Variants in OR14A16 observed in about 807,000 individuals in gnomAD.
The protein encoded by OR14A16 is olfactory receptor family 14 subfamily A member 16.
For synonymous variants in OR14A16, 135 were observed against 137.6 expected (o/e 0.98, Z 0.13); for missense variants, 341 against 366.5 (o/e 0.93, Z 0.57).
At chr1:247,822,033 C>A (rs567129915) in intron 1 of OR14A16, among the ~76,000 whole-genome samples, 1 of 152,098 alleles carries the variant, frequency 6.6e-6, no homozygotes, top group Non-Finnish European at 1.5e-5. Context: ...CTCTATTACT[C>A]CTCTCATTTT....
chr1:247,822,478 A>ACTGGTGGCCTC (rs6143725), intron 1 of OR14A16, among the ~76,000 whole-genome samples: 1 of 151,966 alleles, frequency 6.6e-6, no homozygotes, highest in Non-Finnish European at 1.5e-5. Context: ...TGGGACTTGC[A>ACTGGTGGCCTC]CCAAGGGCTC....
intron 1 of OR14A16, among the ~76,000 whole-genome samples, chr1:247,822,206 ATG>A (rs954952230): frequency 2.0e-5 from 3 of 149,554 alleles, no homozygotes; most frequent in African/African-American, 7.4e-5. Context: ...TTGTTTCTGG[ATG>A]TGTCTGTGAG....
In OR14A16 at chr1:247,815,390, TGAG is replaced by T. The variant is rs1159219269; in HGVS notation, c.337_339del (p.Leu113del). On this transcript the variant is annotated inframe_deletion, in exon 3 of 3. Transcript: ENST00000641093. ...GTATAGCGGTCAAAGGACATCACCG[TGAG>T]GAGGAGCAGCTCTGCAGATGCTGAA... is the stretch of plus-strand genomic sequence containing the variant. The T allele has an allele frequency of 6.2e-7, 1 of 1,613,662 alleles. No individual in the cohort carries two copies. Among genetic ancestry groups the T allele is most frequent in the Admixed American group, 1.7e-5 (1 of 59,988 alleles).
At position 247,815,088 on chromosome 1, in the gene OR14A16, AATG is replaced by A; in HGVS notation, c.639_641del (p.Ile214del). ...CTGTAGAGAAGACGTGGACATAGGT[AATG>A]ATGATGACAATAAAACAGCAGAAAT... is the stretch of plus-strand genomic sequence containing the variant. On this transcript the variant is annotated inframe_deletion, in exon 3 of 3. Transcript: ENST00000641093. 6 of 1,613,940 alleles carry A rather than the reference AATG, an allele frequency of 3.7e-6. No individual in the cohort carries two copies. Among genetic ancestry groups the A allele is most frequent in the Non-Finnish European group, 5.1e-6 (6 of 1,179,822 alleles).
At position 247,815,101 on chromosome 1, in the gene OR14A16, A is replaced by G. The variant is rs377035366; in HGVS notation, c.629T>C (p.Ile210Thr). Residue 210 changes from isoleucine to threonine, a missense_variant, in exon 3 of 3, where the codon ATT becomes ACT. Coordinates refer to ENST00000641093, the MANE Select transcript of OR14A16 (RefSeq NM_001001966.2). ...INVVLDFCCF[I>T]VIIITYVHVF... ...GTGGACATAGGTAATGATGATGACA[A>G]TAAAACAGCAGAAATCCAAAACTAC... 11 of 1,613,990 alleles carry G rather than the reference A, an allele frequency of 6.8e-6. No homozygotes were observed. The highest frequency in any genetic ancestry group is 1.7e-4 in the Middle Eastern group (1 of 6,058).
In OR14A16 at chr1:247,815,590, G is replaced by A. The variant is rs1558334374; in HGVS notation, c.140C>T (p.Thr47Ile). 3 of 1,613,886 alleles carry A rather than the reference G, an allele frequency of 1.9e-6. No individual in the cohort carries two copies. Among genetic ancestry groups the A allele is most frequent in the South Asian group, 2.2e-5 (2 of 91,072 alleles). Residue 47 changes from threonine to isoleucine, a missense_variant, in exon 3 of 3, where the codon ACA becomes ATA. Transcript: ENST00000641093. ...GGTGTGGAGATGATGGTCCAAAGTTGTGATCATGATAATGAGGACATTCCC... is the reference window on the plus strand; with the variant it reads ...GGTGTGGAGATGATGGTCCAAAGTTATGATCATGATAATGAGGACATTCCC... ...LMGNVLIIMI[T>I]TLDHHLHTPV...
intron 1 of OR14A16, among the ~76,000 whole-genome samples, chr1:247,823,166 G>A (rs1031521136): frequency 1.3e-5 from 2 of 151,940 alleles, no homozygotes; most frequent in African/African-American, 4.8e-5. Context: ...AACTTTTGAG[G>A]TGAAGATCTA....
At chr1:247,823,467 C>T (rs1180821048) in intron 1 of OR14A16, among the ~76,000 whole-genome samples, 2 of 152,186 alleles carry the variant, frequency 1.3e-5, no homozygotes, top group Non-Finnish European at 2.9e-5. Flanking sequence ...TGACACTACA[C>T]TCCAGCCTGG....
chr1:247,816,716 G>C (rs1662628703), intron 2 of OR14A16, among the ~76,000 whole-genome samples: 1 of 152,160 alleles, frequency 6.6e-6, no homozygotes, highest in Non-Finnish European at 1.5e-5. Context: ...GCAACAGAGC[G>C]AGGCTCTGTC....
At chr1:247,818,041 T>C (rs960731528) in intron 2 of OR14A16, among the ~76,000 whole-genome samples, 9 of 152,078 alleles carry the variant, frequency 5.9e-5, no homozygotes, top group South Asian at 2.1e-4. Flanking sequence ...AGAGAAAAAA[T>C]ATATCTTTAG....
intron 1 of OR14A16, among the ~76,000 whole-genome samples, chr1:247,823,412 C>G (rs987655172): frequency 6.6e-6 from 1 of 152,096 alleles, no homozygotes; most frequent in African/African-American, 2.4e-5. Context: ...TGGGAGGATC[C>G]TTTGAGCCCA....
intron 2 of OR14A16, among the ~76,000 whole-genome samples, chr1:247,817,239 A>G (rs1662639570): frequency 6.6e-6 from 1 of 152,130 alleles, no homozygotes. Context: ...CTCAGGAGTG[A>G]TAGATAAAGA....
chr1:247,821,990 A>C (rs759519270), intron 1 of OR14A16, among the ~76,000 whole-genome samples: 1 of 152,184 alleles, frequency 6.6e-6, no homozygotes, highest in Non-Finnish European at 1.5e-5. Context: ...TAAGGTGTTA[A>C]CAATTTAACT....
rs745910297 is a variant in OR14A16 at position 247,815,321 on chromosome 1, T to G, written c.409A>C (p.Ser137Arg). The G allele has an allele frequency of 1.2e-6, 2 of 1,614,030 alleles. No individual in the cohort carries two copies. The highest frequency in any genetic ancestry group is 4.5e-5 in the East Asian group (2 of 44,882). Reference protein sequence around the residue: ...PLHYDVIMDRSTCVQRATVSW... With the variant: ...PLHYDVIMDRRTCVQRATVSW... ...ACAGTGGCTCTTTGGACACAGGTGCTCCTGTCCATGATGACATCATAGTGC... is the reference window on the plus strand; with the variant it reads ...ACAGTGGCTCTTTGGACACAGGTGCGCCTGTCCATGATGACATCATAGTGC... Residue 137 changes from serine to arginine, a missense_variant, in exon 3 of 3, where the codon AGC (serine) becomes CGC (arginine). Ser to Arg is a moderately radical substitution (Grantham distance 110). Coordinates refer to ENST00000641093, the MANE Select transcript of OR14A16 (RefSeq NM_001001966.2).
intron 2 of OR14A16, among the ~76,000 whole-genome samples, chr1:247,818,762 C>A (rs1001264856): frequency 6.6e-6 from 1 of 152,060 alleles, no homozygotes; most frequent in South Asian, 2.1e-4. Context: ...GCAAAAATAT[C>A]ATTTAAAATG....
At chr1:247,819,703 C>T (rs1572541194) in intron 1 of OR14A16, among the ~76,000 whole-genome samples, 1 of 151,868 alleles carries the variant, frequency 6.6e-6, no homozygotes, top group East Asian at 1.9e-4. Flanking sequence ...GTAAGAACAC[C>T]TAAAATCTGC....
chr1:247,823,308 GGA>G (rs1238630037), intron 1 of OR14A16, among the ~76,000 whole-genome samples: 2 of 152,234 alleles, frequency 1.3e-5, no homozygotes, highest in African/African-American at 2.4e-5. Context: ...TGAGCAACCT[GGA>G]GAGACCCCCA....
chr1:247,816,573 A>G (rs915023993), intron 2 of OR14A16, among the ~76,000 whole-genome samples: 1 of 152,142 alleles, frequency 6.6e-6, no homozygotes, highest in Admixed American at 6.5e-5. Flanking sequence ...CTAAAAATAC[A>G]AAAAATTAGC....
intron 1 of OR14A16, among the ~76,000 whole-genome samples, chr1:247,819,832 T>A (rs1331132148): frequency 6.6e-6 from 1 of 152,202 alleles, no homozygotes; most frequent in East Asian, 1.9e-4. Flanking sequence ...TTCCTGATCT[T>A]AGAGGAAATG....
Sources: allele counts gnomAD v4.1 joint callset (sites outside exome capture counted in the v4.1 genomes callset), GRCh38; gene constraint gnomAD v4.1.1; transcripts MANE v1.5; gene names NCBI Gene and HGNC (gene_info 2026-07-23, HGNC 2026-07-21).